Variants in TMEM108 observed in about 807,000 individuals in gnomAD.
TMEM108 encodes the protein transmembrane protein 108.
A neutral mutation model predicts 35.1 loss-of-function variants in TMEM108; 12 were observed. The ratio of observed to expected loss-of-function variants is 0.34; its 90% CI spans 0.22 to 0.55. The LOEUF (loss-of-function observed/expected upper bound fraction) is 0.55, where lower values mean the gene tolerates loss of function less well. Among genes scored for constraint, TMEM108 ranks in the 20% least tolerant of loss-of-function variants. TMEM108 has a pLI of 0.89. For synonymous variants in TMEM108, 287 were observed against 308.6 expected (o/e 0.93, Z 0.73); for missense variants, 680 against 753.3 (o/e 0.90, Z 1.14).
intron 4 of TMEM108, chr3:133,386,898 A>T: frequency 1.5e-6 from 1 of 677,234 alleles, no homozygotes; most frequent in Non-Finnish European, 1.8e-6. Context: ...ACCTTCAGTT[A>T]CCTGTTCTGA....
intron 2 of TMEM108, among the ~76,000 whole-genome samples, chr3:133,150,342 G>GTTTTTTTTTT (rs10663538): frequency 3.6e-5 from 4 of 109,704 alleles, no homozygotes; most frequent in South Asian, 3.0e-4. Context: ...AGGTTATTTG[G>GTTTTTTTTTT]TTTTTTTTTT....
intron 3 of TMEM108, among the ~76,000 whole-genome samples, chr3:133,370,145 C>CT (rs3054623): frequency 0.083 from 10,461 of 126,758 alleles, 740 homozygotes; most frequent in African/African-American, 0.19. Context: ...TTCAGACTCC[C>CT]TTTTTTTTTT....
intron 2 of TMEM108, among the ~76,000 whole-genome samples, chr3:133,089,720 C>T (rs1222654859): frequency 1.3e-5 from 2 of 152,202 alleles, no homozygotes; most frequent in African/African-American, 4.8e-5. Flanking sequence ...TGCAAGCTAT[C>T]TCTTGTTTTC....
intron 2 of TMEM108, among the ~76,000 whole-genome samples, chr3:133,107,455 G>GGTGTGT (rs59305794): frequency 0.13 from 18,726 of 143,396 alleles, 1,280 homozygotes; most frequent in African/African-American, 0.16. Context: ...AAGTGTATGT[G>GGTGTGT]GTGTGTGTGT....
intron 3 of TMEM108, among the ~76,000 whole-genome samples, chr3:133,344,553 C>CA (rs562559452): frequency 1.2e-4 from 17 of 145,396 alleles, no homozygotes; most frequent in South Asian, 2.2e-4. Flanking sequence ...TAATTCAGCC[C>CA]AAAAAAAAAT....
intron 2 of TMEM108, among the ~76,000 whole-genome samples, chr3:133,181,214 A>T (rs1945339174): frequency 6.6e-6 from 1 of 152,096 alleles, no homozygotes; most frequent in Non-Finnish European, 1.5e-5. Flanking sequence ...CCGTATCAGT[A>T]AAAGTATAGA....
chr3:133,215,349 C>T (rs1379474936), intron 2 of TMEM108, among the ~76,000 whole-genome samples: 1 of 127,570 alleles, frequency 7.8e-6, no homozygotes, highest in African/African-American at 2.9e-5. Flanking sequence ...ATCACCAACA[C>T]AAAAGCATAA....
At chr3:133,106,175 G>GTTTTTTTTTTTTTTTTTTTTTTTT in intron 2 of TMEM108, among the ~76,000 whole-genome samples, 1 of 89,696 alleles carries the variant, frequency 1.1e-5, no homozygotes, top group Non-Finnish European at 2.2e-5. Context: ...GAGGTTAAAG[G>GTTTTTTTTTTTTTTTTTTTTTTTT]TTTTTTTTTT....
intron 3 of TMEM108, among the ~76,000 whole-genome samples, chr3:133,287,071 G>C (rs1576433563): frequency 6.6e-6 from 1 of 152,174 alleles, no homozygotes; most frequent in South Asian, 2.1e-4. Flanking sequence ...GCTTGGACAA[G>C]TAGGAGGCTC....
chr3:133,221,484 A>G (rs1945989528), intron 2 of TMEM108, among the ~76,000 whole-genome samples: 1 of 152,146 alleles, frequency 6.6e-6, no homozygotes, highest in African/African-American at 2.4e-5. Flanking sequence ...GTTTTGTGCA[A>G]TGACTAGGAG....
At chr3:133,248,901 T>G (rs1392397220) in intron 3 of TMEM108, among the ~76,000 whole-genome samples, 1 of 152,214 alleles carries the variant, frequency 6.6e-6, no homozygotes, top group Non-Finnish European at 1.5e-5. Flanking sequence ...TTGAATTAAA[T>G]TAGCCTTCAT....
rs7640338 is a variant in TMEM108 at position 133,240,089 on chromosome 3, A to C, written c.40+10738A>C. ...GCTTATTGCAGCTGTCTCATTTTAGAACTTGATTTTATAAGACTTTTTTTC... is the reference window on the plus strand; with the variant it reads ...GCTTATTGCAGCTGTCTCATTTTAGCACTTGATTTTATAAGACTTTTTTTC... On this transcript the variant is annotated intron_variant, in intron 3 of 5. Coordinates refer to ENST00000321871, the MANE Select transcript of TMEM108 (RefSeq NM_023943.4). Among the ~76,000 whole-genome samples, 784 of 152,312 alleles carry C rather than the reference A, an allele frequency of 5.1e-3. 10 individuals carry two copies. The highest frequency in any genetic ancestry group is 0.018 in the African/African-American group (733 of 41,564).
intron 2 of TMEM108, among the ~76,000 whole-genome samples, chr3:133,103,764 G>A (rs767747160): frequency 3.3e-5 from 5 of 152,170 alleles, no homozygotes; most frequent in African/African-American, 7.2e-5. Flanking sequence ...GAGTAGGGAG[G>A]TTGTGTAGCC....
intron 2 of TMEM108, among the ~76,000 whole-genome samples, chr3:133,058,422 C>T (rs1035560512): frequency 1.3e-5 from 2 of 152,228 alleles, no homozygotes; most frequent in African/African-American, 4.8e-5. Flanking sequence ...CAGACGGGAG[C>T]TCACCCCCAG....
chr3:133,274,066 C>T (rs184424841), intron 3 of TMEM108, among the ~76,000 whole-genome samples: 55 of 152,270 alleles, frequency 3.6e-4, no homozygotes, highest in African/African-American at 1.3e-3. Flanking sequence ...GACTCCTAGG[C>T]CAAGTTCTTT....
At chr3:133,088,059 C>T (rs750639767) in intron 2 of TMEM108, among the ~76,000 whole-genome samples, 1 of 152,110 alleles carries the variant, frequency 6.6e-6, no homozygotes, top group Non-Finnish European at 1.5e-5. Flanking sequence ...TTAGCGTGTT[C>T]TTTATCAGTG....
At chr3:133,232,057 C>T (rs1946161497) in intron 3 of TMEM108, among the ~76,000 whole-genome samples, 1 of 152,208 alleles carries the variant, frequency 6.6e-6, no homozygotes, top group Non-Finnish European at 1.5e-5. Context: ...TGTGGTCCCT[C>T]TGCTGCCCTT....
intron 3 of TMEM108, chr3:133,248,250 C>T (rs1946415231): frequency 6.6e-6 from 1 of 152,122 alleles, no homozygotes; most frequent in Admixed American, 6.5e-5. Flanking sequence ...GCTGTTGACT[C>T]ATCCTGACAA....
intron 3 of TMEM108, among the ~76,000 whole-genome samples, chr3:133,365,326 T>C (rs2072473805): frequency 6.6e-6 from 1 of 152,122 alleles, no homozygotes. Context: ...ATATGGGAAA[T>C]AGATGCAAGG....
Sources: allele counts gnomAD v4.1 joint callset (sites outside exome capture counted in the v4.1 genomes callset), GRCh38; gene constraint gnomAD v4.1.1; transcripts MANE v1.5; gene names NCBI Gene and HGNC (gene_info 2026-07-23, HGNC 2026-07-21).